MERTK: variants seen among roughly 807,000 people sequenced by gnomAD.
The protein encoded by MERTK is MER proto-oncogene, tyrosine kinase.
MERTK carries 69 observed loss-of-function variants against 99.3 expected under a neutral mutation model. The ratio of observed to expected loss-of-function variants is 0.70; its 90% CI spans 0.57 to 0.85. The LOEUF (loss-of-function observed/expected upper bound fraction) is 0.85, where lower values mean the gene tolerates loss of function less well. Among genes scored for constraint, MERTK ranks in the 40% least tolerant of loss-of-function variants. The pLI is 0.00. For missense variants in MERTK, 1,125 were observed against 1,249.4 expected (o/e 0.90, Z 1.50); for synonymous variants, 426 against 467.6 (o/e 0.91, Z 1.15).
intron 1 of MERTK, among the ~76,000 whole-genome samples, chr2:111,905,158 G>C (rs1490464496): frequency 6.6e-6 from 1 of 152,166 alleles, no homozygotes; most frequent in Non-Finnish European, 1.5e-5. Flanking sequence ...CTGAACCATG[G>C]CTGTTGAACT....
intron 1 of MERTK, among the ~76,000 whole-genome samples, chr2:111,920,434 T>G (rs1684433771): frequency 6.6e-6 from 1 of 152,194 alleles, no homozygotes; most frequent in Non-Finnish European, 1.5e-5. Flanking sequence ...GGCAAATGGG[T>G]GGCGTGATCG....
chr2:111,898,759 G>A lies in MERTK; in HGVS notation c.24G>A (p.Leu8=). The stretch of plus-strand genomic sequence containing the variant: ...GGATGGGGCCGGCCCCGCTGCCGCT[G>A]CTGCTGGGCCTCTTCCTCCCCGCGC... MGPAPLP[L]LLGLFLPALW... Residue 8 remains leucine, a synonymous_variant, in exon 1 of 19, where the codon CTG becomes CTA. Transcript: ENST00000295408. 6.2e-7 allele frequency: 1 copy of A among 1,605,410 alleles called. No individual in the cohort carries two copies. The highest frequency in any genetic ancestry group is 8.5e-7 in the Non-Finnish European group (1 of 1,176,672).
intron 6 of MERTK, among the ~76,000 whole-genome samples, chr2:111,971,820 G>T (rs1676125133): frequency 6.6e-6 from 1 of 152,148 alleles, no homozygotes; most frequent in Admixed American, 6.5e-5. Flanking sequence ...AGGTCTTGTT[G>T]GTTTAGAGTC....
intron 2 of MERTK, among the ~76,000 whole-genome samples, chr2:111,939,015 A>G (rs1191558676): frequency 1.3e-5 from 2 of 152,188 alleles, no homozygotes; most frequent in African/African-American, 4.8e-5. Flanking sequence ...ATCATGTAAT[A>G]TGCTATAATT....
intron 2 of MERTK, among the ~76,000 whole-genome samples, chr2:111,938,560 TG>T (rs567915827): frequency 7.9e-5 from 12 of 152,340 alleles, no homozygotes; most frequent in Non-Finnish European, 1.2e-4. Context: ...AAGATGTGCC[TG>T]GGCTAACCCA....
At chr2:111,928,968 G>T in intron 1 of MERTK, 152 bp from the exon 2 acceptor site, 1 of 756,026 alleles carries the variant, frequency 1.3e-6, no homozygotes, top group Non-Finnish European at 2.2e-6. Context: ...ATAAGAATAT[G>T]TCCAGATGTG....
At position 112,029,241 on chromosome 2, in the gene MERTK, A is replaced by G; in HGVS notation, c.*377A>G. ...TATTAAATGTAAAAATATTTGTAAAATGAAATGCCATATTTGACTTGGCTT... is the reference window on the plus strand; with the variant it reads ...TATTAAATGTAAAAATATTTGTAAAGTGAAATGCCATATTTGACTTGGCTT... On this transcript the variant is annotated 3_prime_UTR_variant, in exon 19 of 19. Coordinates refer to ENST00000295408, the MANE Select transcript of MERTK (RefSeq NM_006343.3). 1.0e-6 allele frequency: 1 copy of G among 988,288 alleles called. No homozygotes were observed. The highest frequency in any genetic ancestry group is 1.2e-6 in the Non-Finnish European group (1 of 826,186). 61.2% of individuals were successfully genotyped at this position (988,288 alleles called of 1,614,324 possible).
chr2:111,901,058 G>A (rs1003684632), intron 1 of MERTK, among the ~76,000 whole-genome samples: 2 of 152,056 alleles, frequency 1.3e-5, no homozygotes, highest in Non-Finnish European at 2.9e-5. Context: ...CACACTACAC[G>A]TCTCACAAAG....
intron 1 of MERTK, among the ~76,000 whole-genome samples, chr2:111,919,913 A>C (rs1684423153): frequency 6.7e-6 from 1 of 149,206 alleles, no homozygotes; most frequent in African/African-American, 2.5e-5. Flanking sequence ...CAGCCCCTTC[A>C]TGCTGCAAGC....
intron 1 of MERTK, among the ~76,000 whole-genome samples, chr2:111,899,125 C>T (rs1370139002): frequency 1.3e-5 from 2 of 152,200 alleles, no homozygotes; most frequent in African/African-American, 2.4e-5. Context: ...CCTGAAGTTC[C>T]GACGAGTGGA....
chr2:112,026,472 T>C (rs1438551149), intron 18 of MERTK, among the ~76,000 whole-genome samples: 1 of 152,214 alleles, frequency 6.6e-6, no homozygotes, highest in East Asian at 1.9e-4. Flanking sequence ...CAATCAAGGC[T>C]GTTTGGAAAA....
intron 15 of MERTK, among the ~76,000 whole-genome samples, chr2:112,013,858 G>C (rs1464411200): frequency 1.3e-5 from 2 of 151,608 alleles, no homozygotes; most frequent in African/African-American, 4.9e-5. Flanking sequence ...ATTTGGGAGG[G>C]GGGTGGTGGC....
chr2:111,913,063 C>T (rs1247266278), intron 1 of MERTK: 1 of 985,272 alleles, frequency 1.0e-6, no homozygotes, highest in African/African-American at 1.7e-5. Context: ...GAAAAAGTTT[C>T]TGTGTGGGTT....
Position 111,966,918 on chromosome 2 carries a change from A to C in MERTK, c.845-1219A>C, listed in dbSNP as rs184777446. Among the ~76,000 whole-genome samples the C allele has an allele frequency of 7.9e-5, 12 of 152,130 alleles. No individual in the cohort carries two copies. In the East Asian group the frequency reaches 2.3e-3, roughly 29 times the overall value. On this transcript the variant is annotated intron_variant, in intron 5 of 18. Transcript: ENST00000295408. Reference sequence around the variant, plus strand: ...TCCTGCTCATTCCATCATCACCTTCATCCTCACCACACCCTCCCTGGGCCT... The same window carrying C: ...TCCTGCTCATTCCATCATCACCTTCCTCCTCACCACACCCTCCCTGGGCCT...
intron 1 of MERTK, among the ~76,000 whole-genome samples, chr2:111,917,013 G>A (rs1049363970): frequency 1.3e-5 from 2 of 152,168 alleles, no homozygotes; most frequent in East Asian, 1.9e-4. Flanking sequence ...GCTCAGAGGG[G>A]TAGAAGTGCC....
intron 4 of MERTK, among the ~76,000 whole-genome samples, chr2:111,948,612 C>T (rs1685002600): frequency 6.6e-6 from 1 of 152,102 alleles, no homozygotes; most frequent in Non-Finnish European, 1.5e-5. Context: ...ACCATTTTCC[C>T]ATCCTTCCTT....
intron 15 of MERTK, among the ~76,000 whole-genome samples, chr2:112,017,248 G>A (rs6728297): frequency 0.94 from 143,751 of 152,242 alleles, 68,007 homozygotes; most frequent in African/African-American, 0.99. Flanking sequence ...ACAGTCCTTT[G>A]GCTAGACACA....
In MERTK at chr2:111,929,469, G is replaced by A. The variant is rs1249520873; in HGVS notation, c.411G>A (p.Leu137=). 1.2e-6 allele frequency: 2 copies of A among 1,614,148 alleles called. No homozygotes were observed. The highest frequency in any genetic ancestry group is 1.7e-6 in the Non-Finnish European group (2 of 1,180,028). The change falls in exon 2 of 19, where the codon TTG becomes TTA. Residue 137 remains leucine (L), a synonymous_variant. Transcript: ENST00000295408. ...CTTGGTGGAAAGATGGGAAGGAATT[G>A]CTTGGGGCACATCATGCAATTACAC... is the stretch of plus-strand genomic sequence containing the variant. ...TISWWKDGKE[L]LGAHHAITQF...
chr2:111,969,085 A>C (rs1676021778), intron 6 of MERTK, among the ~76,000 whole-genome samples: 1 of 152,212 alleles, frequency 6.6e-6, no homozygotes, highest in African/African-American at 2.4e-5. Context: ...AAACGGTGCT[A>C]TTAGCCATCC....
Sources: allele counts gnomAD v4.1 joint callset (sites outside exome capture counted in the v4.1 genomes callset), GRCh38; gene constraint gnomAD v4.1.1; transcripts MANE v1.5; gene names NCBI Gene and HGNC (gene_info 2026-07-23, HGNC 2026-07-21).